GALNT17: variants seen among roughly 807,000 people sequenced by gnomAD.
The protein encoded by GALNT17 is UDP-GalNAc:polypeptide N-acetylgalactosaminyltransferase-like 3.
A neutral mutation model predicts 63.7 loss-of-function variants in GALNT17; 29 were observed. That is an observed-to-expected ratio of 0.46 (90% CI 0.34 to 0.62). The LOEUF (loss-of-function observed/expected upper bound fraction) is 0.62, where lower values mean the gene tolerates loss of function less well. Among genes scored for constraint, GALNT17 ranks in the 20% least tolerant of loss-of-function variants. The pLI, the probability that GALNT17 is intolerant of heterozygous loss-of-function variation, is 0.01. For synonymous variants in GALNT17, 305 were observed against 318.3 expected, an observed-to-expected ratio of 0.96 and a Z score of 0.45; for missense variants, 603 against 799.6, an observed-to-expected ratio of 0.75 and a Z score of 2.97.
At chr7:71,644,806 T>C (rs973738579) in intron 6 of GALNT17, among the ~76,000 whole-genome samples, 1 of 151,992 alleles carries the variant, frequency 6.6e-6, no homozygotes, top group African/African-American at 2.4e-5. Flanking sequence ...CAAGTCAAAA[T>C]AGCAGATGAA....
chr7:71,499,217 A>G (rs1788141812), intron 5 of GALNT17, among the ~76,000 whole-genome samples: 3 of 152,186 alleles, frequency 2.0e-5, no homozygotes, highest in African/African-American at 2.4e-5. Flanking sequence ...CTTACCTGCA[A>G]CAAGGCCCCT....
chr7:71,316,812 C>T (rs1791508742), intron 1 of GALNT17, among the ~76,000 whole-genome samples: 1 of 152,176 alleles, frequency 6.6e-6, no homozygotes, highest in Non-Finnish European at 1.5e-5. Flanking sequence ...GAGATGGAAA[C>T]TGGCATTTCA....
chr7:71,317,592 T>G (rs1393326159), intron 1 of GALNT17, among the ~76,000 whole-genome samples: 5 of 152,086 alleles, frequency 3.3e-5, no homozygotes, highest in Non-Finnish European at 7.4e-5. Flanking sequence ...CATGGCTGAG[T>G]GTGGACCTCT....
intron 1 of GALNT17, among the ~76,000 whole-genome samples, chr7:71,292,138 C>T (rs1451426631): frequency 4.6e-5 from 7 of 152,184 alleles, no homozygotes; most frequent in Non-Finnish European, 1.5e-5. Flanking sequence ...TCCCCTTCTG[C>T]AGTGGGATTC....
rs570154355 is a variant in GALNT17 at position 71,526,546 on chromosome 7, G to C, written c.963-44739G>C. Among the ~76,000 whole-genome samples, 17 of 152,026 alleles carry C rather than the reference G, an allele frequency of 1.1e-4. 1 individual carries two copies. The highest frequency in any genetic ancestry group is 3.4e-3 in the Middle Eastern group (1 of 294). On this transcript the variant is annotated intron_variant, in intron 5 of 10. Coordinates refer to ENST00000333538, the MANE Select transcript of GALNT17 (RefSeq NM_022479.3). ...TTGATTTATTTATTTTGGAGACAGAGTCTCTCTCTGTCGCCCAGGCTGGAG... is the reference window on the plus strand; with the variant it reads ...TTGATTTATTTATTTTGGAGACAGACTCTCTCTCTGTCGCCCAGGCTGGAG...
At chr7:71,168,989 G>A (rs908100454) in intron 1 of GALNT17, among the ~76,000 whole-genome samples, 2 of 152,072 alleles carry the variant, frequency 1.3e-5, no homozygotes, top group African/African-American at 4.8e-5. Flanking sequence ...GGCTGTCCCT[G>A]GCCCTGTGAG....
intron 2 of GALNT17, among the ~76,000 whole-genome samples, chr7:71,347,750 TG>T (rs1204614051): frequency 1.3e-5 from 2 of 152,068 alleles, no homozygotes; most frequent in Admixed American, 1.3e-4. Flanking sequence ...GGGGCAGCTG[TG>T]GATTCCCCAC....
At chr7:71,613,792 A>ATTTTTTTTTTT (rs56216543) in intron 6 of GALNT17, among the ~76,000 whole-genome samples, 1 of 132,424 alleles carries the variant, frequency 7.6e-6, no homozygotes. Flanking sequence ...CATCTCTATG[A>ATTTTTTTTTTT]TTTTTTTTTT....
At chr7:71,404,720 G>A (rs1793297934) in intron 3 of GALNT17, among the ~76,000 whole-genome samples, 1 of 152,212 alleles carries the variant, frequency 6.6e-6, no homozygotes, top group Admixed American at 6.5e-5. Context: ...CTGTATCCCT[G>A]AGGCTTCTTC....
intron 1 of GALNT17, among the ~76,000 whole-genome samples, chr7:71,223,891 A>T (rs1038572340): frequency 3.9e-5 from 6 of 152,136 alleles, no homozygotes; most frequent in African/African-American, 1.4e-4. Flanking sequence ...AAAGGACATG[A>T]TCTCATTCTT....
intron 5 of GALNT17, among the ~76,000 whole-genome samples, chr7:71,556,329 G>A (rs764856416): frequency 5.9e-5 from 9 of 152,144 alleles, no homozygotes; most frequent in Middle Eastern, 3.2e-3. Context: ...AGGAGACTTG[G>A]TTAAGGAGAC....
At chr7:71,271,602 A>ATT (rs1243839674) in intron 1 of GALNT17, among the ~76,000 whole-genome samples, 2 of 152,228 alleles carry the variant, frequency 1.3e-5, no homozygotes, top group African/African-American at 4.8e-5. Flanking sequence ...TACAGGCGAT[A>ATT]ACATTCACCC....
intron 1 of GALNT17, among the ~76,000 whole-genome samples, chr7:71,325,636 C>T (rs570055647): frequency 1.3e-5 from 2 of 152,270 alleles, no homozygotes; most frequent in African/African-American, 2.4e-5. Context: ...AATTTACAAC[C>T]TTGACTCTTT....
At chr7:71,458,532 G>C (rs529945567) in intron 5 of GALNT17, among the ~76,000 whole-genome samples, 2 of 152,318 alleles carry the variant, frequency 1.3e-5, no homozygotes, top group South Asian at 4.1e-4. Flanking sequence ...GCTACCTACA[G>C]ATGGCTTAAA....
intron 5 of GALNT17, among the ~76,000 whole-genome samples, chr7:71,512,304 C>T (rs1333175989): frequency 6.6e-6 from 1 of 152,074 alleles, no homozygotes; most frequent in African/African-American, 2.4e-5. Flanking sequence ...CTGTGCCCGG[C>T]CCTGGGTTGC....
At chr7:71,690,147 C>T (rs1791420508) in intron 9 of GALNT17, among the ~76,000 whole-genome samples, 1 of 151,918 alleles carries the variant, frequency 6.6e-6, no homozygotes, top group East Asian at 1.9e-4. Context: ...GCCTCAGCCT[C>T]CCGAGTAGCT....
At chr7:71,251,544 G>A (rs1326690337) in intron 1 of GALNT17, among the ~76,000 whole-genome samples, 1 of 152,060 alleles carries the variant, frequency 6.6e-6, no homozygotes, top group Non-Finnish European at 1.5e-5. Flanking sequence ...CAAGTAGCTA[G>A]GACTATAGGT....
chr7:71,462,175 G>C (rs1369902731), intron 5 of GALNT17, among the ~76,000 whole-genome samples: 4 of 152,182 alleles, frequency 2.6e-5, no homozygotes, highest in South Asian at 4.1e-4. Context: ...GGGGTGCAGT[G>C]CATGCTTCTC....
chr7:71,200,100 T>C (rs1789138879), intron 1 of GALNT17, among the ~76,000 whole-genome samples: 1 of 152,168 alleles, frequency 6.6e-6, no homozygotes, highest in Non-Finnish European at 1.5e-5. Flanking sequence ...TAAGTACCTT[T>C]TGTTGAAAAT....
Sources: allele counts gnomAD v4.1 joint callset (sites outside exome capture counted in the v4.1 genomes callset), GRCh38; gene constraint gnomAD v4.1.1; transcripts MANE v1.5; gene names NCBI Gene and HGNC (gene_info 2026-07-23, HGNC 2026-07-21).